GRIP1: variants seen among roughly 807,000 people sequenced by gnomAD.
GRIP1 encodes glutamate receptor interacting protein 1.
GRIP1 carries 45 observed loss-of-function variants against 129.9 expected under a neutral mutation model. That is an observed-to-expected ratio of 0.35 (90% CI 0.27 to 0.44). The LOEUF is 0.44. Among genes scored for constraint, GRIP1 ranks in the 20% least tolerant of loss-of-function variants. GRIP1 has a pLI of 1.00. For missense variants in GRIP1, 1,196 were observed against 1,396.8 expected (o/e 0.86, Z 2.29); for synonymous variants, 530 against 520.8 (o/e 1.02, Z -0.24).
intron 1 of GRIP1, among the ~76,000 whole-genome samples, chr12:67,000,279 A>G (rs1254543671): frequency 6.6e-6 from 1 of 152,152 alleles, no homozygotes; most frequent in Non-Finnish European, 1.5e-5. Flanking sequence ...AATATCTAGG[A>G]CCATATCACA....
At chr12:66,645,005 T>C (rs985288310) in intron 1 of GRIP1, among the ~76,000 whole-genome samples, 1 of 152,212 alleles carries the variant, frequency 6.6e-6, no homozygotes, top group South Asian at 2.1e-4. Context: ...CTAATAAAAA[T>C]GAGTTATTAT....
intron 1 of GRIP1, among the ~76,000 whole-genome samples, chr12:66,691,680 G>T (rs1048072075): frequency 6.6e-6 from 1 of 152,126 alleles, no homozygotes; most frequent in Non-Finnish European, 1.5e-5. Flanking sequence ...TTATTCTAAA[G>T]CTACCTTTCT....
intron 1 of GRIP1, among the ~76,000 whole-genome samples, chr12:66,952,492 A>G (rs1471710016): frequency 6.6e-6 from 1 of 152,216 alleles, no homozygotes; most frequent in Admixed American, 6.5e-5. Flanking sequence ...CAAATGGCTT[A>G]CTGAGACCCA....
intron 1 of GRIP1, among the ~76,000 whole-genome samples, chr12:66,794,634 T>C (rs990640919): frequency 2.0e-5 from 3 of 152,198 alleles, no homozygotes; most frequent in African/African-American, 7.2e-5. Flanking sequence ...GTTAGACATT[T>C]TCTCTCTTTA....
At chr12:66,933,609 A>C (rs947943941) in intron 1 of GRIP1, among the ~76,000 whole-genome samples, 1 of 152,186 alleles carries the variant, frequency 6.6e-6, no homozygotes, top group Non-Finnish European at 1.5e-5. Flanking sequence ...CTAAGGACAC[A>C]ATAATGAAAT....
chr12:66,670,622 C>T (rs891548040), intron 1 of GRIP1, among the ~76,000 whole-genome samples: 3 of 152,176 alleles, frequency 2.0e-5, no homozygotes, highest in African/African-American at 4.8e-5. Context: ...CACACAAATG[C>T]GTTATAACCT....
At chr12:66,652,164 G>A (rs1409592027) in intron 1 of GRIP1, among the ~76,000 whole-genome samples, 1 of 152,162 alleles carries the variant, frequency 6.6e-6, no homozygotes. Flanking sequence ...TGGGTTGGCT[G>A]TGTCCCCACC....
chr12:66,477,500 A>G (rs868065847), intron 7 of GRIP1, among the ~76,000 whole-genome samples: 3,668 of 151,974 alleles, frequency 0.024, 148 homozygotes, highest in African/African-American at 0.085. Flanking sequence ...GCTACCAATG[A>G]CTTTCTTCAC....
Position 67,068,194 on chromosome 12 carries a change from C to T in GRIP1, c.58+856G>A, listed in dbSNP as rs58119930. Reference sequence around the variant, plus strand: ...GCACCATCCAAACACCATGAAATGACCTCAACAGAACTAAGCCTTGAAGGT... The same window carrying T: ...GCACCATCCAAACACCATGAAATGATCTCAACAGAACTAAGCCTTGAAGGT... On this transcript the variant is annotated intron_variant, in intron 1 of 1. Coordinates refer to the GRIP1 transcript ENST00000643019. 3.2e-3 allele frequency among the ~76,000 whole-genome samples: 493 copies of T among 152,276 alleles called. 2 individuals carry two copies. Among genetic ancestry groups the T allele is most frequent in the African/African-American group, 0.011 (459 of 41,552 alleles).
intron 1 of GRIP1, among the ~76,000 whole-genome samples, chr12:66,708,920 C>A (rs1262971478): frequency 6.6e-6 from 1 of 151,302 alleles, no homozygotes; most frequent in Non-Finnish European, 1.5e-5. Flanking sequence ...AAGAAGTTGA[C>A]ACGAAAGAAA....
intron 1 of GRIP1, among the ~76,000 whole-genome samples, chr12:66,777,108 C>T (rs1420944628): frequency 6.6e-6 from 1 of 152,174 alleles, no homozygotes; most frequent in Non-Finnish European, 1.5e-5. Context: ...CTAATCAGAA[C>T]ACAGCAGACC....
chr12:66,660,940 A>C (rs952282454), intron 1 of GRIP1, among the ~76,000 whole-genome samples: 2 of 152,074 alleles, frequency 1.3e-5, no homozygotes, highest in Admixed American at 1.3e-4. Flanking sequence ...GTATACAAAT[A>C]TATATTATAC....
intron 14 of GRIP1, among the ~76,000 whole-genome samples, chr12:66,429,852 A>G (rs2058095030): frequency 6.6e-6 from 1 of 152,200 alleles, no homozygotes; most frequent in Non-Finnish European, 1.5e-5. Flanking sequence ...CAACAATACT[A>G]TGAAGAAGGT....
intron 7 of GRIP1, among the ~76,000 whole-genome samples, chr12:66,503,741 G>T (rs916494571): frequency 6.6e-6 from 1 of 152,114 alleles, no homozygotes; most frequent in South Asian, 2.1e-4. Context: ...ATCAGAGTGT[G>T]GTGAACAGGA....
At chr12:66,882,623 C>T (rs558711475) in intron 1 of GRIP1, among the ~76,000 whole-genome samples, 1 of 152,294 alleles carries the variant, frequency 6.6e-6, no homozygotes, top group Admixed American at 6.5e-5. Context: ...TGCAGTCATA[C>T]AAATAAAGTA....
intron 2 of GRIP1, chr12:66,568,532 C>T: frequency 5.4e-6 from 1 of 185,828 alleles, no homozygotes. Flanking sequence ...ATCACTTGTT[C>T]CATTGGATGT....
At chr12:66,599,030 T>C (rs1266206545) in intron 1 of GRIP1, among the ~76,000 whole-genome samples, 6 of 152,164 alleles carry the variant, frequency 3.9e-5, no homozygotes, top group African/African-American at 1.4e-4. Flanking sequence ...GGTTTTCTCA[T>C]TTATATTTGA....
rs532575316 is a variant in GRIP1 at position 66,507,152 on chromosome 12, G to A, written c.724+8467C>T. 1.8e-4 allele frequency among the ~76,000 whole-genome samples: 27 copies of A among 152,286 alleles called. No individual in the cohort carries two copies. The South Asian group carries it at 5.4e-3, about 30-fold the overall frequency. On this transcript the variant is annotated intron_variant, in intron 7 of 24. Transcript: ENST00000359742. ...AGATCACCTGTAAGAAACTGATAAA[G>A]TATGGGCCATGCGTGGTGGCTCACG...
At chr12:67,000,053 A>C (rs2042528487) in intron 1 of GRIP1, among the ~76,000 whole-genome samples, 1 of 152,180 alleles carries the variant, frequency 6.6e-6, no homozygotes, top group Admixed American at 6.6e-5. Context: ...GACAGATCAT[A>C]TGACAGCACA....
Sources: allele counts gnomAD v4.1 joint callset (sites outside exome capture counted in the v4.1 genomes callset), GRCh38; gene constraint gnomAD v4.1.1; transcripts MANE v1.5; gene names NCBI Gene and HGNC (gene_info 2026-07-23, HGNC 2026-07-21).